The following REG4 variants were observed in gnomAD, a reference collection of about 807,000 sequenced individuals.
REG4 encodes the protein regenerating islet-derived protein 4.
In REG4, 16 loss-of-function variants were observed where a neutral mutation model predicts 22.3. That is an observed-to-expected ratio of 0.72 (90% CI 0.49 to 1.09). The LOEUF (loss-of-function observed/expected upper bound fraction) is 1.09. REG4 is among the 50% of genes least tolerant of loss of function. The pLI, the probability that REG4 is intolerant of heterozygous loss-of-function variation, is 0.00. For synonymous variants in REG4, 71 were observed against 69.2 expected (o/e 1.03, Z -0.13); for missense variants, 214 against 193.9 (o/e 1.10, Z -0.61).
chr1:119,794,662 C>G lies in REG4; in HGVS notation c.433G>C (p.Glu145Gln), dbSNP rs150927973. 1.2e-6 allele frequency: 2 copies of G among 1,614,110 alleles called. No homozygotes were observed. The highest frequency in any genetic ancestry group is 2.2e-5 in the South Asian group (2 of 91,070). ...AGGAAGTGTTGGCGCTTGTTGCATT[C>G]GTTGCTGCTCCAAGTTAAAAAGTCT... ...NNNFLTWSSN[E>Q]CNKRQHFLCK... The change falls in exon 6 of 6, where the codon GAA (glutamate) becomes CAA (glutamine). Residue 145 changes from glutamate (E) to glutamine (Q), a missense_variant. Transcript: ENST00000256585.
At chr1:119,809,799 C>T (rs993420614) in intron 1 of REG4, among the ~76,000 whole-genome samples, 1 of 152,088 alleles carries the variant, frequency 6.6e-6, no homozygotes, top group Non-Finnish European at 1.5e-5. Context: ...ATTAATAGGG[C>T]ACTAAAAGGA....
At chr1:119,807,387 A>G (rs894821888) in intron 2 of REG4, among the ~76,000 whole-genome samples, 1 of 152,226 alleles carries the variant, frequency 6.6e-6, no homozygotes, top group Non-Finnish European at 1.5e-5. Context: ...AAGGACCTGT[A>G]GTGAATCTTG....
intron 4 of REG4, among the ~76,000 whole-genome samples, chr1:119,799,161 C>T (rs1654022222): frequency 6.6e-6 from 1 of 152,016 alleles, no homozygotes; most frequent in Non-Finnish European, 1.5e-5. Context: ...AGAAGCCCCA[C>T]CAAGAATCTG....
At chr1:119,802,409 A>G (rs1256425588) in intron 3 of REG4, 3 of 989,754 alleles carry the variant, frequency 3.0e-6, no homozygotes, top group Non-Finnish European at 3.6e-6. Context: ...TTCATTGTCT[A>G]GTTTTATACA....
chr1:119,811,049 A>C (rs1429417849), intron 1 of REG4, among the ~76,000 whole-genome samples: 2 of 152,170 alleles, frequency 1.3e-5, no homozygotes, highest in Non-Finnish European at 1.5e-5. Context: ...GCAAGACTCC[A>C]TAAAAAAACA....
intron 5 of REG4, among the ~76,000 whole-genome samples, chr1:119,795,326 G>A (rs1042692863): frequency 6.6e-6 from 1 of 152,170 alleles, no homozygotes; most frequent in Non-Finnish European, 1.5e-5. Flanking sequence ...AGGATGCAGT[G>A]AGGATCTGAG....
At chr1:119,810,590 A>G (rs1259492232) in intron 1 of REG4, among the ~76,000 whole-genome samples, 1 of 152,176 alleles carries the variant, frequency 6.6e-6, no homozygotes, top group Non-Finnish European at 1.5e-5. Flanking sequence ...TTTCCTTCCA[A>G]AAGTAATAGT....
chr1:119,797,485 G>GC (rs1159255591), intron 5 of REG4, among the ~76,000 whole-genome samples: 1 of 152,120 alleles, frequency 6.6e-6, no homozygotes, highest in African/African-American at 2.4e-5. Flanking sequence ...CCCATGTCCT[G>GC]CTGGGGATGA....
intron 3 of REG4, 51 bp downstream of exon 3, chr1:119,803,017 C>T (rs1217576669): frequency 6.2e-7 from 1 of 1,610,406 alleles, no homozygotes; most frequent in South Asian, 1.1e-5. Context: ...GGGGCTCTGG[C>T]TGGTCCTTTG....
intron 3 of REG4, chr1:119,802,570 A>G (rs1358160758): frequency 8.5e-7 from 1 of 1,172,440 alleles, no homozygotes; most frequent in Non-Finnish European, 1.1e-6. Flanking sequence ...CAAAGCTTCA[A>G]CGAAATAAAA....
At chr1:119,810,422 A>G (rs1654459964) in intron 1 of REG4, among the ~76,000 whole-genome samples, 1 of 152,226 alleles carries the variant, frequency 6.6e-6, no homozygotes, top group Non-Finnish European at 1.5e-5. Flanking sequence ...AGAATAATGT[A>G]AATGATGACT....
chr1:119,805,415 C>G (rs908510558), intron 2 of REG4, among the ~76,000 whole-genome samples: 2 of 152,130 alleles, frequency 1.3e-5, no homozygotes, highest in South Asian at 4.1e-4. Flanking sequence ...CTGGTTTGGT[C>G]TTGTGCACTC....
chr1:119,802,591 T>G, intron 3 of REG4: 3 of 1,234,748 alleles, frequency 2.4e-6, no homozygotes, highest in Non-Finnish European at 2.0e-6. Flanking sequence ...TGGACAGGTT[T>G]GTGGACTGTG....
intron 2 of REG4, among the ~76,000 whole-genome samples, 194 bp downstream of exon 2, chr1:119,808,509 T>G (rs1490273328): frequency 7.2e-5 from 11 of 152,256 alleles, no homozygotes. Flanking sequence ...TGGGTTATAA[T>G]CATATGGAAT....
In REG4 at chr1:119,806,147, G is replaced by T. The variant is rs138954321; in HGVS notation, c.67+2556C>A. ...GAGACAGACAGAGTTTCGCCACATT[G>T]CCCAGGCTGATCTGGAACTTCTGGG... is the stretch of plus-strand genomic sequence containing the variant. On this transcript the variant is annotated intron_variant, in intron 2 of 5. Transcript: ENST00000256585. Among the ~76,000 whole-genome samples the T allele has an allele frequency of 3.0e-3, 449 of 152,094 alleles. 5 individuals are homozygous for T. The highest frequency in any genetic ancestry group is 0.01 in the African/African-American group (423 of 41,472).
chr1:119,803,476 G>A (rs587608459), intron 2 of REG4, among the ~76,000 whole-genome samples: 2 of 152,312 alleles, frequency 1.3e-5, no homozygotes, highest in East Asian at 3.9e-4. Flanking sequence ...GATCAATGGA[G>A]TTTTAGCTTG....
At chr1:119,809,173 T>G (rs1279658707) in intron 1 of REG4, 1 of 158,102 alleles carries the variant, frequency 6.3e-6, no homozygotes, top group East Asian at 1.9e-4. Flanking sequence ...CAAGGCAAGC[T>G]TCCTCACAGG....
In REG4 at chr1:119,794,656, T is replaced by C; in HGVS notation, c.439A>G (p.Asn147Asp). 6.2e-7 allele frequency: 1 copy of C among 1,614,186 alleles called. No individual in the cohort carries two copies. The highest frequency in any genetic ancestry group is 1.3e-5 in the African/African-American group (1 of 75,056). Residue 147 changes from asparagine (N) to aspartate (D), a missense_variant, in exon 6 of 6, where the codon AAC becomes GAC. Asn to Asp is a conservative substitution (Grantham distance 23). Transcript: ENST00000256585. ...TTGCACAGGAAGTGTTGGCGCTTGT[T>C]GCATTCGTTGCTGCTCCAAGTTAAA... is the stretch of plus-strand genomic sequence containing the variant. ...NFLTWSSNEC[N>D]KRQHFLCKYR...
intron 5 of REG4, among the ~76,000 whole-genome samples, chr1:119,795,633 G>C (rs587764693): frequency 6.6e-6 from 1 of 152,322 alleles, no homozygotes; most frequent in East Asian, 1.9e-4. Context: ...TGCAGATCTG[G>C]CCCTGTTCCC....
Sources: allele counts gnomAD v4.1 joint callset (sites outside exome capture counted in the v4.1 genomes callset), GRCh38; gene constraint gnomAD v4.1.1; transcripts MANE v1.5; gene names NCBI Gene and HGNC (gene_info 2026-07-23, HGNC 2026-07-21).